SBF2: variants seen among roughly 807,000 people sequenced by gnomAD.
The protein encoded by SBF2 is myotubularin-related protein 13.
SBF2 carries 112 observed loss-of-function variants against 225.2 expected under a neutral mutation model. The ratio of observed to expected loss-of-function variants is 0.50; its 90% CI spans 0.43 to 0.58. SBF2 has a LOEUF of 0.58. Ranked by LOEUF, SBF2 falls within the 20% of genes least tolerant of loss-of-function variation. SBF2 has a pLI of 0.00. For synonymous variants in SBF2, 763 were observed against 773.3 expected, an observed-to-expected ratio of 0.99 and a Z score of 0.22; for missense variants, 1,996 against 2,206.2, an observed-to-expected ratio of 0.90 and a Z score of 1.91.
intron 16 of SBF2, among the ~76,000 whole-genome samples, chr11:9,942,007 A>G (rs747874084): frequency 6.6e-6 from 1 of 152,234 alleles, no homozygotes; most frequent in Non-Finnish European, 1.5e-5. Flanking sequence ...TTACAGTAAC[A>G]ACAACAAAAC....
intron 1 of SBF2, among the ~76,000 whole-genome samples, chr11:10,221,156 TGCCCAG>T (rs1285231433): frequency 1.3e-5 from 2 of 151,838 alleles, no homozygotes; most frequent in African/African-American, 4.8e-5. Context: ...CTCGCTCTGT[TGCCCAG>T]GCTGGAGTAC....
intron 6 of SBF2, among the ~76,000 whole-genome samples, chr11:10,020,679 G>GT (rs1948820180): frequency 6.6e-6 from 1 of 152,044 alleles, no homozygotes; most frequent in Non-Finnish European, 1.5e-5. Context: ...ACTCCTATGG[G>GT]TTCACTGCCA....
At chr11:10,227,946 C>A (rs1213173050) in intron 1 of SBF2, among the ~76,000 whole-genome samples, 2 of 151,334 alleles carry the variant, frequency 1.3e-5, no homozygotes, top group Non-Finnish European at 2.9e-5. Context: ...ATTCTTCCTA[C>A]CCATGAGCAT....
At chr11:9,908,914 C>G (rs1191406877) in intron 16 of SBF2, among the ~76,000 whole-genome samples, 1 of 150,442 alleles carries the variant, frequency 6.6e-6, no homozygotes, top group Admixed American at 6.6e-5. Context: ...TCTTGAACTC[C>G]TGAGCTCAAG....
intron 2 of SBF2, among the ~76,000 whole-genome samples, chr11:10,118,077 T>C (rs1167240640): frequency 6.6e-6 from 1 of 152,170 alleles, no homozygotes; most frequent in Non-Finnish European, 1.5e-5. Context: ...CAAAGCCTCC[T>C]TCAGTTCCTG....
At chr11:9,914,181 C>T (rs559206861) in intron 16 of SBF2, among the ~76,000 whole-genome samples, 1 of 152,118 alleles carries the variant, frequency 6.6e-6, no homozygotes, top group Non-Finnish European at 1.5e-5. Context: ...GATTAATATG[C>T]TAGGGGCTCC....
intron 1 of SBF2, among the ~76,000 whole-genome samples, chr11:10,233,657 G>T (rs934063669): frequency 6.6e-6 from 1 of 150,608 alleles, no homozygotes; most frequent in African/African-American, 2.4e-5. Flanking sequence ...CCAAAGATAT[G>T]AGCCACTCAG....
intron 3 of SBF2, among the ~76,000 whole-genome samples, chr11:10,042,192 C>T (rs1949680632): frequency 6.6e-6 from 1 of 152,138 alleles, no homozygotes. Flanking sequence ...GAGAATAGCA[C>T]CAAGCTGGGC....
At chr11:10,157,483 C>T (rs1955533556) in intron 2 of SBF2, among the ~76,000 whole-genome samples, 1 of 152,118 alleles carries the variant, frequency 6.6e-6, no homozygotes, top group Non-Finnish European at 1.5e-5. Context: ...AAACAGAAAA[C>T]CTACCGAATG....
intron 32 of SBF2, among the ~76,000 whole-genome samples, chr11:9,803,936 G>T (rs1853637825): frequency 6.6e-6 from 1 of 152,130 alleles, no homozygotes; most frequent in African/African-American, 2.4e-5. Context: ...ATTTGAGAAG[G>T]TAACGATTTG....
intron 1 of SBF2, among the ~76,000 whole-genome samples, chr11:10,287,761 G>C (rs1488102033): frequency 6.6e-6 from 1 of 152,240 alleles, no homozygotes. Flanking sequence ...ACCTCTGCCT[G>C]AGTTTTGCTC....
chr11:10,190,354 T>A (rs17294292), intron 2 of SBF2, among the ~76,000 whole-genome samples: 26,876 of 152,170 alleles, frequency 0.18, 2,583 homozygotes, highest in Middle Eastern at 0.25. Flanking sequence ...TATATGACTG[T>A]CTGTGGTTTT....
intron 1 of SBF2, among the ~76,000 whole-genome samples, chr11:10,198,009 G>A (rs779452614): frequency 1.2e-4 from 18 of 152,106 alleles, no homozygotes; most frequent in Non-Finnish European, 2.6e-4. Context: ...AACCCCTCAA[G>A]GTCATCCATA....
chr11:9,823,962 A>AT (rs1181205189), intron 28 of SBF2, among the ~76,000 whole-genome samples: 2 of 152,250 alleles, frequency 1.3e-5, no homozygotes, highest in Non-Finnish European at 2.9e-5. Context: ...AGATACCATA[A>AT]TGACAAGCAC....
intron 2 of SBF2, among the ~76,000 whole-genome samples, chr11:10,138,668 A>C (rs1228823615): frequency 6.6e-6 from 1 of 152,006 alleles, no homozygotes; most frequent in Admixed American, 6.6e-5. Flanking sequence ...ACTTCCATTC[A>C]ATGTATTTTT....
intron 15 of SBF2, 21 bp downstream of exon 15, chr11:9,963,752 G>A: frequency 8.6e-7 from 1 of 1,157,990 alleles, no homozygotes; most frequent in Non-Finnish European, 1.3e-6. Context: ...TGCTTACTTG[G>A]GAAAGATCAC....
chr11:9,794,703 A>AAAAAAAAAG (rs1852999171), intron 33 of SBF2, among the ~76,000 whole-genome samples: 1 of 146,152 alleles, frequency 6.8e-6, no homozygotes, highest in Non-Finnish European at 1.5e-5. Context: ...AAAAAAAAAA[A>AAAAAAAAAG]AAAAGACCAG....
intron 1 of SBF2, among the ~76,000 whole-genome samples, chr11:10,287,685 T>C (rs996900149): frequency 6.6e-6 from 1 of 152,226 alleles, no homozygotes; most frequent in Admixed American, 6.5e-5. Flanking sequence ...AATTTATACT[T>C]TATTAGATAT....
rs183685213 is a variant in SBF2, at chr11:9,794,401, G to A, written c.4570+1430C>T. 3.7e-4 allele frequency among the ~76,000 whole-genome samples: 56 copies of A among 150,790 alleles called. No individual in the cohort carries two copies. The East Asian group carries it at 0.01, about 28-fold the overall frequency. On this transcript the variant is annotated intron_variant, in intron 33 of 39. Transcript: ENST00000256190. ...CACTTAAGACCAGGCCTGGCCAGGC[G>A]TGGTGGCTCACGCCTGTAATCCCAG...
Sources: allele counts gnomAD v4.1 joint callset (sites outside exome capture counted in the v4.1 genomes callset), GRCh38; gene constraint gnomAD v4.1.1; transcripts MANE v1.5; gene names NCBI Gene and HGNC (gene_info 2026-07-23, HGNC 2026-07-21).